The following RBMS3 variants were observed in gnomAD, a reference collection of about 807,000 sequenced individuals.
RBMS3 encodes RNA binding motif single stranded interacting protein 3.
Under a neutral mutation model 66.8 loss-of-function variants are expected in RBMS3, and 27 were observed. The ratio of observed to expected loss-of-function variants is 0.40; its 90% CI spans 0.30 to 0.56. The LOEUF is 0.56. Among genes scored for constraint, RBMS3 ranks in the 20% least tolerant of loss-of-function variants. The pLI, the probability that RBMS3 is intolerant of heterozygous loss-of-function variation, is 0.40. For missense variants in RBMS3, 513 were observed against 549.5 expected (o/e 0.93, Z 0.66); for synonymous variants, 188 against 183.0 (o/e 1.03, Z -0.22).
intron 12 of RBMS3, among the ~76,000 whole-genome samples, chr3:29,978,425 G>T (rs1697742366): frequency 6.6e-6 from 1 of 151,822 alleles, no homozygotes; most frequent in Non-Finnish European, 1.5e-5. Context: ...AGTATTTCAA[G>T]TTCTGTTAGG....
At chr3:29,346,226 A>T (rs2036565427) in intron 1 of RBMS3, among the ~76,000 whole-genome samples, 2 of 152,088 alleles carry the variant, frequency 1.3e-5, no homozygotes, top group African/African-American at 4.8e-5. Flanking sequence ...TTACCATCAG[A>T]TGGCTTAGCA....
At chr3:29,990,876 C>A (rs1362610261) in intron 13 of RBMS3, among the ~76,000 whole-genome samples, 4 of 152,152 alleles carry the variant, frequency 2.6e-5, no homozygotes, top group African/African-American at 9.7e-5. Context: ...CTTCTAATGG[C>A]AAGGCTTCTT....
At chr3:29,336,111 A>G (rs2035932658) in intron 1 of RBMS3, among the ~76,000 whole-genome samples, 1 of 152,170 alleles carries the variant, frequency 6.6e-6, no homozygotes, top group South Asian at 2.1e-4. Context: ...TTTAACAAAT[A>G]TGTGTTCTCT....
intron 4 of RBMS3, among the ~76,000 whole-genome samples, chr3:29,667,310 G>A (rs759835395): frequency 4.6e-5 from 7 of 152,086 alleles, no homozygotes; most frequent in East Asian, 3.9e-4. Context: ...TTTAATTCTC[G>A]GGCATTCTCT....
chr3:29,509,572 T>C (rs572608101), intron 3 of RBMS3, among the ~76,000 whole-genome samples: 44 of 152,218 alleles, frequency 2.9e-4, no homozygotes, highest in Non-Finnish European at 5.3e-4. Flanking sequence ...GTCTCACATG[T>C]CATCCCTCTT....
chr3:29,342,385 G>T (rs1186117470), intron 1 of RBMS3, among the ~76,000 whole-genome samples: 1 of 152,106 alleles, frequency 6.6e-6, no homozygotes, highest in Non-Finnish European at 1.5e-5. Context: ...TTTTTAGCCA[G>T]TTGCCTTTCT....
intron 13 of RBMS3, 71 bp downstream of exon 13, chr3:29,988,294 T>TAACCATA: frequency 7.7e-7 from 1 of 1,300,084 alleles, no homozygotes; most frequent in Non-Finnish European, 1.1e-6. Flanking sequence ...TAGTCCCCCA[T>TAACCATA]AACCATAGGA....
intron 2 of RBMS3, among the ~76,000 whole-genome samples, chr3:29,436,339 A>T (rs1168470514): frequency 6.6e-6 from 1 of 152,220 alleles, no homozygotes; most frequent in Non-Finnish European, 1.5e-5. Flanking sequence ...AACAGTAGGT[A>T]CATTAGGGTT....
chr3:29,439,790 A>G (rs1027748817), intron 2 of RBMS3, among the ~76,000 whole-genome samples: 1 of 152,028 alleles, frequency 6.6e-6, no homozygotes, highest in Non-Finnish European at 1.5e-5. Flanking sequence ...CGGGTCATCA[A>G]TATACTGTTA....
intron 3 of RBMS3, among the ~76,000 whole-genome samples, chr3:29,495,417 C>CTTTTTTT (rs775377508): frequency 2.7e-5 from 3 of 111,880 alleles, no homozygotes; most frequent in Admixed American, 9.4e-5. Context: ...ATATTTCTTT[C>CTTTTTTT]TTTTTTTTTT....
intron 12 of RBMS3, 135 bp from the exon 13 acceptor site, chr3:29,988,008 T>C (rs1208027813): frequency 1.8e-5 from 12 of 660,486 alleles, no homozygotes; most frequent in Non-Finnish European, 3.1e-5. Context: ...GCCTTATTTT[T>C]AGTGAAAATT....
chr3:29,332,726 A>C (rs2125517895), intron 1 of RBMS3, among the ~76,000 whole-genome samples: 1 of 152,320 alleles, frequency 6.6e-6, no homozygotes, highest in Admixed American at 6.5e-5. Flanking sequence ...GATGAAATAA[A>C]AGAGTGATCA....
intron 4 of RBMS3, among the ~76,000 whole-genome samples, chr3:29,739,365 A>G (rs1001668492): frequency 4.6e-5 from 7 of 150,912 alleles, no homozygotes; most frequent in Non-Finnish European, 8.8e-5. Context: ...CTGAAGCAGG[A>G]GAATGGCGTG....
intron 4 of RBMS3, among the ~76,000 whole-genome samples, chr3:29,638,232 AT>A (rs55779978): frequency 4.0e-4 from 59 of 148,190 alleles, no homozygotes; most frequent in Admixed American, 5.4e-4. Flanking sequence ...TCTTGTAGTA[AT>A]TTTTTTTTTT....
At chr3:29,987,537 G>A (rs1698472651) in intron 12 of RBMS3, among the ~76,000 whole-genome samples, 2 of 152,124 alleles carry the variant, frequency 1.3e-5, no homozygotes, top group Admixed American at 1.3e-4. Flanking sequence ...ACACTGATAT[G>A]AGAATGAAAT....
rs570556646 is a variant in RBMS3 at position 29,815,518 on chromosome 3, G to T, written c.637+52529G>T. 2.0e-5 allele frequency among the ~76,000 whole-genome samples: 3 copies of T among 152,160 alleles called. No homozygotes were observed. In the East Asian group the frequency reaches 5.8e-4, roughly 29 times the overall value. ...TCAGTTTGTTCTTTTTTATAATAGG[G>T]TTAAAATTAAAATTAGGAACAGGGG... On this transcript the variant is annotated intron_variant, in intron 6 of 14. Transcript: ENST00000383767.
chr3:29,600,376 T>A (rs930713607), intron 4 of RBMS3, among the ~76,000 whole-genome samples: 1 of 151,950 alleles, frequency 6.6e-6, no homozygotes. Flanking sequence ...CCCACAAAAG[T>A]TGGCTATTAA....
At chr3:29,984,558 C>CT (rs1357670420) in intron 12 of RBMS3, among the ~76,000 whole-genome samples, 1 of 152,014 alleles carries the variant, frequency 6.6e-6, no homozygotes, top group African/African-American at 2.4e-5. Context: ...ATTTATCTAC[C>CT]TTTAGTCTTT....
In RBMS3 at chr3:29,527,195, A is replaced by T. The variant is rs1309786704; in HGVS notation, c.307+38696A>T. On this transcript the variant is annotated intron_variant, in intron 3 of 14. Transcript: ENST00000383767. ...GTTAGGTAGAGTAAAAAAAAAAAAA[A>T]AAAAAAAAAAAAAAAGATGGAAAGT... 3.1e-4 allele frequency among the ~76,000 whole-genome samples: 46 copies of T among 150,248 alleles called. 1 individual carries two copies. Among genetic ancestry groups the T allele is most frequent in the African/African-American group, 9.3e-4 (38 of 41,050 alleles).
Sources: gnomAD v4.1 joint callset for allele counts (sites outside exome capture counted in the v4.1 genomes callset) on GRCh38, gnomAD v4.1.1 for gene constraint, MANE v1.5 for transcripts, NCBI Gene and HGNC (gene_info 2026-07-23, HGNC 2026-07-21) for gene names.